NOMO2: variants seen among roughly 807,000 people sequenced by gnomAD.
NOMO2 encodes NODAL modulator 2.
Under a neutral mutation model 67.1 loss-of-function variants are expected in NOMO2, and 14 were observed. That is an observed-to-expected ratio of 0.21 (90% CI 0.14 to 0.33). NOMO2 has a LOEUF of 0.33. NOMO2 is among the 10% of genes least tolerant of loss of function. The probability of loss-of-function intolerance (pLI) is 1.00; values close to 1 mark genes in which losing one functional copy is unlikely to be tolerated. For synonymous variants in NOMO2, 80 were observed against 305.9 expected, an observed-to-expected ratio of 0.26 and a Z score of 7.71; for missense variants, 178 against 761.0, an observed-to-expected ratio of 0.23 and a Z score of 9.01.
rs1211520900 is a variant in NOMO2 at position 18,529,976 on chromosome 16, C to T, written c.1670-339G>A. 5.8e-5 allele frequency among the ~76,000 whole-genome samples: 8 copies of T among 137,852 alleles called. No homozygotes were observed. In the South Asian group the frequency reaches 2.1e-3, roughly 36 times the overall value. The allele number at this position is 137,852 out of a possible 152,430, so 90.4% of individuals were successfully genotyped here. A position where few individuals can be genotyped will look rare whatever the true frequency, so the allele number is the denominator to read the frequency against. On this transcript the variant is annotated intron_variant, in intron 14 of 30. Coordinates refer to ENST00000622306, the MANE Select transcript of NOMO2 (RefSeq NM_173614.4). ...ACTAAAAATACAAAAGTGATCCAGGCATGGTGGTGCATGCCTGTAATCCCA... is the reference window on the plus strand; with the variant it reads ...ACTAAAAATACAAAAGTGATCCAGGTATGGTGGTGCATGCCTGTAATCCCA...
chr16:18,561,768 C>T, intron 1 of NOMO2, 108 bp downstream of exon 1: 1 of 1,291,922 alleles, frequency 7.7e-7, no homozygotes, highest in Non-Finnish European at 1.0e-6. Context: ...GAGGTAAGGG[C>T]TCCAAGGACT....
In NOMO2 at chr16:18,533,124, T is replaced by A; in HGVS notation, c.1276A>T (p.Met426Leu). ...IIRFPDTVKQ[M>L]NKYKVVLSSQ... ...GACAGGACAACTTTGTATTTATTCATCTGCTTGACGGTGTCCGGGAAGCGA... is the reference window on the plus strand; with the variant it reads ...GACAGGACAACTTTGTATTTATTCAACTGCTTGACGGTGTCCGGGAAGCGA... The change falls in exon 12 of 31, where the codon ATG becomes TTG. Residue 426 changes from methionine to leucine, a missense_variant. Transcript: ENST00000622306. 6.2e-7 allele frequency: 1 copy of A among 1,611,434 alleles called. No individual in the cohort carries two copies. Among genetic ancestry groups the A allele is most frequent in the Non-Finnish European group, 8.5e-7 (1 of 1,179,736 alleles).
rs1163118142 is a variant in NOMO2, at chr16:18,534,330, T to C, written c.1221-1151A>G. ...AGAAAAAGAATTTTACACTCTTAAG[T>C]GGTTAAAGTTAAAAAAAAAAAATCA... On this transcript the variant is annotated intron_variant, in intron 11 of 30. Transcript: ENST00000622306. Among the ~76,000 whole-genome samples, 3 of 150,548 alleles carry C rather than the reference T, an allele frequency of 2.0e-5. No homozygotes were observed. The East Asian group carries it at 6.0e-4, about 30-fold the overall frequency.
At chr16:18,544,368 GC>G (rs1230538496) in intron 6 of NOMO2, among the ~76,000 whole-genome samples, 1 of 151,606 alleles carries the variant, frequency 6.6e-6, no homozygotes, top group Non-Finnish European at 1.5e-5. Flanking sequence ...AGCATATTTT[GC>G]CTTTTTTTCT....
chr16:18,554,206 G>A (rs1901853987), intron 3 of NOMO2, among the ~76,000 whole-genome samples: 1 of 152,106 alleles, frequency 6.6e-6, no homozygotes, highest in East Asian at 1.9e-4. Flanking sequence ...TGCTAATTAC[G>A]TGCCAGCCCC....
At chr16:18,538,387 C>G (rs1901467499) in intron 11 of NOMO2, 139 bp downstream of exon 11, 2 of 797,702 alleles carry the variant, frequency 2.5e-6, no homozygotes, top group South Asian at 3.8e-5. Flanking sequence ...GACTCTGTCT[C>G]TCAAAAAAAA....
chr16:18,559,226 T>C (rs367550402), intron 1 of NOMO2, among the ~76,000 whole-genome samples: 13 of 152,156 alleles, frequency 8.5e-5, no homozygotes, highest in African/African-American at 2.9e-4. Flanking sequence ...TTAATATCTC[T>C]CTCTGAAGAA....
chr16:18,557,000 G>A (rs1901921066), intron 2 of NOMO2, among the ~76,000 whole-genome samples: 1 of 151,976 alleles, frequency 6.6e-6, no homozygotes, highest in Non-Finnish European at 1.5e-5. Context: ...AGTGGCAGGT[G>A]CCTGTAATCC....
At chr16:18,528,947 A>G (rs1406927742) in intron 15 of NOMO2, among the ~76,000 whole-genome samples, 1 of 130,266 alleles carries the variant, frequency 7.7e-6, no homozygotes. Flanking sequence ...CAGCCTGGGC[A>G]ACAGAGCAAG....
rs1309227523 is a variant in NOMO2, at chr16:18,551,626, A to AT, written c.302-88dup. On this transcript the variant is annotated intron_variant, in intron 3 of 30. Transcript: ENST00000622306. ...GGTACAGTGAACCTAAGTAGAACGT[A>AT]TTTTTATTATTCAGGTTTCATTTTA... The AT allele has an allele frequency of 2.7e-4, 95 of 354,418 alleles. No homozygotes were observed. In the South Asian group the frequency reaches 3.3e-3, roughly 12 times the overall value. The allele number at this position is 354,418 out of a possible 1,614,324, so 22.0% of individuals were successfully genotyped here. A position where few individuals can be genotyped will look rare whatever the true frequency, so the allele number is the denominator to read the frequency against.
intron 3 of NOMO2, among the ~76,000 whole-genome samples, chr16:18,554,006 C>A (rs1901849271): frequency 6.7e-6 from 1 of 149,400 alleles, no homozygotes; most frequent in African/African-American, 2.5e-5. Context: ...GTCACCCACA[C>A]CTGCTCTACT....
intron 1 of NOMO2, among the ~76,000 whole-genome samples, chr16:18,561,543 G>A (rs1183587829): frequency 6.6e-6 from 1 of 150,490 alleles, no homozygotes; most frequent in African/African-American, 2.5e-5. Flanking sequence ...GAGATCTCAG[G>A]TCTAAGTTTT....
chr16:18,528,027 C>T (rs1005458150), intron 15 of NOMO2: 6 of 477,634 alleles, frequency 1.3e-5, no homozygotes, highest in African/African-American at 5.8e-5. Flanking sequence ...GGGTCTTTAG[C>T]TCGCTGGTCC....
chr16:18,526,683 G>A (rs1901153216), intron 16 of NOMO2, among the ~76,000 whole-genome samples: 2 of 151,542 alleles, frequency 1.3e-5, no homozygotes, highest in African/African-American at 4.8e-5. Context: ...TATGATAAAC[G>A]TCCAAAAAAA....
intron 15 of NOMO2, among the ~76,000 whole-genome samples, chr16:18,528,984 AAAAAATACATAT>A: frequency 1.0e-5 from 1 of 97,254 alleles, no homozygotes; most frequent in African/African-American, 3.7e-5. Flanking sequence ...AAAAAAAAAA[AAAAAATACATAT>A]ATATATATAT....
chr16:18,520,403 C>CATCCATCT (rs1329710137), intron 20 of NOMO2, among the ~76,000 whole-genome samples, 194 bp downstream of exon 20: 1 of 148,052 alleles, frequency 6.8e-6, no homozygotes, highest in Non-Finnish European at 1.5e-5. Context: ...TCCATCCATC[C>CATCCATCT]ATCCAACCCA....
At chr16:18,528,982 AAAAAAAATACATATATAT>A (rs1901220474) in intron 15 of NOMO2, among the ~76,000 whole-genome samples, 11 of 99,652 alleles carry the variant, frequency 1.1e-4, no homozygotes, top group African/African-American at 3.9e-4. Flanking sequence ...AAAAAAAAAA[AAAAAAAATACATATATAT>A]ATATATATAT....
chr16:18,534,194 T>C (rs989714756), intron 11 of NOMO2, among the ~76,000 whole-genome samples: 1 of 151,810 alleles, frequency 6.6e-6, no homozygotes, highest in African/African-American at 2.4e-5. Flanking sequence ...AACACAGCCA[T>C]TTCTTCAGAG....
rs756246897 is a variant in NOMO2 at position 18,561,173 on chromosome 16, TAAAAAAAAAAAA to T, written c.165+691_165+702del. Among the ~76,000 whole-genome samples the T allele has an allele frequency of 4.2e-3, 136 of 32,448 alleles. 1 individual carries two copies. Among genetic ancestry groups the T allele is most frequent in the Middle Eastern group, 0.062 (2 of 32 alleles). 21.3% of individuals were successfully genotyped at this position (32,448 alleles called of 152,430 possible). A position where few individuals can be genotyped will look rare whatever the true frequency, so the allele number is the denominator to read the frequency against. On this transcript the variant is annotated intron_variant, in intron 1 of 30. Transcript: ENST00000622306. The stretch of plus-strand genomic sequence containing the variant: ...ATTTAACAGGACTTTACAACTTAAT[TAAAAAAAAAAAA>T]AAAAAAAAAAAAAAAAAAAAAACCT...
Sources: allele counts gnomAD v4.1 joint callset (sites outside exome capture counted in the v4.1 genomes callset), GRCh38; gene constraint gnomAD v4.1.1; transcripts MANE v1.5; gene names NCBI Gene and HGNC (gene_info 2026-07-23, HGNC 2026-07-21).